Variants in GRIA4 observed in about 807,000 individuals in gnomAD.
The protein encoded by GRIA4 is glutamate ionotropic receptor AMPA type subunit 4, also known as glutamate receptor 4.
Under a neutral mutation model 104.0 loss-of-function variants are expected in GRIA4, and 34 were observed. The observed-to-expected ratio is 0.33, with a 90% CI of 0.25 to 0.44. GRIA4 has a LOEUF of 0.44. Among genes scored for constraint, GRIA4 ranks in the 20% least tolerant of loss-of-function variants. The pLI, the probability that GRIA4 is intolerant of heterozygous loss-of-function variation, is 1.00. For synonymous variants in GRIA4, 386 were observed against 381.9 expected (o/e 1.01, Z -0.13); for missense variants, 750 against 1,096.5 (o/e 0.68, Z 4.46).
At chr11:105,619,354 C>A (rs966779111) in intron 3 of GRIA4, among the ~76,000 whole-genome samples, 28 of 151,808 alleles carry the variant, frequency 1.8e-4, no homozygotes, top group African/African-American at 6.8e-4. Context: ...AGTTAAAAAT[C>A]AGTTATTATA....
chr11:105,675,664 TAATCTTGA>T (rs1952513396), intron 3 of GRIA4, among the ~76,000 whole-genome samples: 1 of 151,784 alleles, frequency 6.6e-6, no homozygotes, highest in Non-Finnish European at 1.5e-5. Context: ...GTGTTTCCTA[TAATCTTGA>T]AATCAGAAAA....
chr11:105,637,411 A>C (rs1408733028), intron 3 of GRIA4, among the ~76,000 whole-genome samples: 3 of 152,156 alleles, frequency 2.0e-5, no homozygotes, highest in African/African-American at 7.2e-5. Context: ...GATTTAGTGC[A>C]CATTGTGTAA....
At chr11:105,675,959 G>A (rs556714129) in intron 3 of GRIA4, among the ~76,000 whole-genome samples, 4 of 151,754 alleles carry the variant, frequency 2.6e-5, no homozygotes, top group South Asian at 2.1e-4. Flanking sequence ...AGCTACTTGC[G>A]AAACATTACA....
intron 3 of GRIA4, among the ~76,000 whole-genome samples, chr11:105,615,125 G>A (rs77698121): frequency 0.028 from 4,241 of 151,830 alleles, 204 homozygotes; most frequent in African/African-American, 0.094. Context: ...GATCTGATCT[G>A]TCTGTGAATA....
At chr11:105,634,480 A>AGAAAGAAAGAAAGAAAGG (rs1296799762) in intron 3 of GRIA4, among the ~76,000 whole-genome samples, 25 of 60,270 alleles carry the variant, frequency 4.1e-4, no homozygotes, top group African/African-American at 9.9e-4. Context: ...AAAGAAAGAA[A>AGAAAGAAAGAAAGAAAGG]GAAAGAAAGA....
At chr11:105,843,654 C>T (rs2135966249) in intron 4 of GRIA4, among the ~76,000 whole-genome samples, 1 of 152,248 alleles carries the variant, frequency 6.6e-6, no homozygotes, top group African/African-American at 2.4e-5. Flanking sequence ...CACTTGATTC[C>T]AGTTCCTGGC....
intron 4 of GRIA4, among the ~76,000 whole-genome samples, chr11:105,793,408 G>A (rs1424916578): frequency 6.6e-6 from 1 of 152,120 alleles, no homozygotes; most frequent in East Asian, 1.9e-4. Context: ...TTCCTGCTAG[G>A]TCTGTCTTCT....
chr11:105,825,050 T>C (rs1357207776), intron 4 of GRIA4, among the ~76,000 whole-genome samples: 1 of 152,080 alleles, frequency 6.6e-6, no homozygotes, highest in East Asian at 1.9e-4. Flanking sequence ...TTGTTTACCC[T>C]ATTTATGGTC....
intron 4 of GRIA4, among the ~76,000 whole-genome samples, chr11:105,838,152 A>T (rs1463947520): frequency 6.6e-6 from 1 of 152,216 alleles, no homozygotes; most frequent in Non-Finnish European, 1.5e-5. Flanking sequence ...TAATAAAGAT[A>T]AAGTCACCTA....
chr11:105,735,242 T>C (rs1207061958), intron 3 of GRIA4, among the ~76,000 whole-genome samples: 3 of 152,124 alleles, frequency 2.0e-5, no homozygotes, highest in Non-Finnish European at 4.4e-5. Context: ...GAAAATCATG[T>C]TGCAAAAACA....
intron 14 of GRIA4, among the ~76,000 whole-genome samples, chr11:105,956,524 T>C (rs947744085): frequency 6.6e-6 from 1 of 152,202 alleles, no homozygotes; most frequent in African/African-American, 2.4e-5. Context: ...ACATTTGGGT[T>C]GGTTCCAAGT....
chr11:105,895,140 A>G (rs1412300052), intron 6 of GRIA4, among the ~76,000 whole-genome samples: 1 of 152,012 alleles, frequency 6.6e-6, no homozygotes, highest in Non-Finnish European at 1.5e-5. Context: ...TAAACAAAAC[A>G]CTCTCCTTCA....
At chr11:105,687,564 T>A (rs1370953299) in intron 3 of GRIA4, among the ~76,000 whole-genome samples, 1 of 152,144 alleles carries the variant, frequency 6.6e-6, no homozygotes, top group African/African-American at 2.4e-5. Flanking sequence ...TGGCAACTGA[T>A]CAGATAAAAG....
chr11:105,716,645 T>C (rs1427542987), intron 3 of GRIA4, among the ~76,000 whole-genome samples: 1 of 152,138 alleles, frequency 6.6e-6, no homozygotes, highest in African/African-American at 2.4e-5. Flanking sequence ...ATTAACAACG[T>C]ATCAATGCAA....
chr11:105,808,391 G>A (rs534225177), intron 4 of GRIA4, among the ~76,000 whole-genome samples: 1 of 152,170 alleles, frequency 6.6e-6, no homozygotes, highest in African/African-American at 2.4e-5. Flanking sequence ...GGCAAAGAGA[G>A]AAGAGAGAGA....
At chr11:105,861,775 T>C (rs1945234471) in intron 4 of GRIA4, among the ~76,000 whole-genome samples, 1 of 152,200 alleles carries the variant, frequency 6.6e-6, no homozygotes, top group Non-Finnish European at 1.5e-5. Flanking sequence ...TGCAATGTTC[T>C]CCAGTAAAGA....
intron 4 of GRIA4, among the ~76,000 whole-genome samples, chr11:105,861,271 T>C (rs1320705702): frequency 6.6e-6 from 1 of 152,190 alleles, no homozygotes; most frequent in African/African-American, 2.4e-5. Context: ...TCCTCTGTGG[T>C]ATTTTTCCTT....
At chr11:105,694,089 A>G (rs1418196870) in intron 3 of GRIA4, among the ~76,000 whole-genome samples, 1 of 152,170 alleles carries the variant, frequency 6.6e-6, no homozygotes, top group Non-Finnish European at 1.5e-5. Context: ...TAGGTAAACT[A>G]GCCCTGTCCA....
intron 13 of GRIA4, among the ~76,000 whole-genome samples, chr11:105,927,151 C>G (rs1473930204): frequency 6.6e-6 from 1 of 152,074 alleles, no homozygotes; most frequent in Non-Finnish European, 1.5e-5. Context: ...GGAACACTCT[C>G]TAAGGCATAG....
Sources: gnomAD v4.1 joint callset for allele counts (sites outside exome capture counted in the v4.1 genomes callset) on GRCh38, gnomAD v4.1.1 for gene constraint, MANE v1.5 for transcripts, NCBI Gene and HGNC (gene_info 2026-07-23, HGNC 2026-07-21) for gene names.